The following NCOA2 variants were observed in gnomAD, a reference collection of about 807,000 sequenced individuals.
NCOA2 encodes nuclear receptor coactivator 2.
A neutral mutation model predicts 145.1 loss-of-function variants in NCOA2; 21 were observed. That is an observed-to-expected ratio of 0.14 (90% CI 0.10 to 0.21). NCOA2 has a LOEUF of 0.21. Ranked by LOEUF, NCOA2 falls within the 10% of genes least tolerant of loss-of-function variation. NCOA2 has a pLI of 1.00. For missense variants in NCOA2, 1,472 were observed against 1,837.6 expected, an observed-to-expected ratio of 0.80 and a Z score of 3.64; for synonymous variants, 619 against 637.5, an observed-to-expected ratio of 0.97 and a Z score of 0.44.
At chr8:70,289,455 A>C (rs1391677902) in intron 2 of NCOA2, among the ~76,000 whole-genome samples, 5 of 152,082 alleles carry the variant, frequency 3.3e-5, no homozygotes, top group Non-Finnish European at 7.4e-5. Flanking sequence ...TTCCACTGAA[A>C]CTCTGGCCTA....
intron 21 of NCOA2, among the ~76,000 whole-genome samples, chr8:70,121,804 A>G (rs996802184): frequency 3.3e-5 from 5 of 152,272 alleles, no homozygotes; most frequent in African/African-American, 1.2e-4. Context: ...AATTATCAAG[A>G]GCAAGTGTAA....
chr8:70,166,885 T>G (rs1188446271), intron 6 of NCOA2, 131 bp from the exon 7 acceptor site: 8 of 845,984 alleles, frequency 9.5e-6, no homozygotes, highest in Non-Finnish European at 1.3e-5. Flanking sequence ...CTTGTCTAAA[T>G]ACTTTCATAA....
At chr8:70,384,207 T>A (rs184338783) in intron 1 of NCOA2, among the ~76,000 whole-genome samples, 1 of 151,956 alleles carries the variant, frequency 6.6e-6, no homozygotes, top group African/African-American at 2.4e-5. Flanking sequence ...TTGCTTTCCA[T>A]GGTGATTCAA....
the NCOA2 span, among the ~76,000 whole-genome samples, chr8:70,426,658 T>C: frequency 1.3e-5 from 2 of 152,240 alleles, no homozygotes; most frequent in African/African-American, 2.4e-5. Flanking sequence ...CTATGTCTTA[T>C]GCATCTGTTT....
the NCOA2 span, among the ~76,000 whole-genome samples, chr8:70,418,526 T>A: frequency 1.3e-5 from 2 of 152,258 alleles, no homozygotes; most frequent in Admixed American, 1.3e-4. Context: ...AATATGGACT[T>A]CCAATCAGTG....
At chr8:70,288,315 A>T (rs1306240388) in intron 2 of NCOA2, among the ~76,000 whole-genome samples, 1 of 152,138 alleles carries the variant, frequency 6.6e-6, no homozygotes, top group African/African-American at 2.4e-5. Context: ...TGTGTGGCTC[A>T]TGCCTGTAAT....
At chr8:70,351,619 G>C (rs1193867041) in intron 1 of NCOA2, among the ~76,000 whole-genome samples, 2 of 128,054 alleles carry the variant, frequency 1.6e-5, no homozygotes, top group Non-Finnish European at 3.2e-5. Flanking sequence ...TTAAAGTCTT[G>C]CTCTGTCACC....
At chr8:70,233,180 C>T (rs1202138993) in intron 2 of NCOA2, among the ~76,000 whole-genome samples, 4 of 151,522 alleles carry the variant, frequency 2.6e-5, no homozygotes, top group African/African-American at 4.9e-5. Context: ...GAGCTGAGAT[C>T]GCACCACTAC....
intron 4 of NCOA2, among the ~76,000 whole-genome samples, chr8:70,212,444 G>A (rs999293433): frequency 2.6e-5 from 4 of 152,194 alleles, no homozygotes; most frequent in African/African-American, 7.2e-5. Flanking sequence ...CCCACTGGAT[G>A]TTAAAGGTCA....
intron 2 of NCOA2, among the ~76,000 whole-genome samples, chr8:70,291,451 T>TG (rs1826672573): frequency 6.6e-6 from 1 of 152,214 alleles, no homozygotes; most frequent in African/African-American, 2.4e-5. Flanking sequence ...CACAGTAAAG[T>TG]GGCTCTAAGC....
intron 4 of NCOA2, among the ~76,000 whole-genome samples, chr8:70,195,888 C>T (rs969048321): frequency 3.9e-5 from 6 of 152,298 alleles, no homozygotes; most frequent in East Asian, 1.9e-4. Flanking sequence ...CTCCACACCA[C>T]GCCAAACTAC....
chr8:70,382,608 G>C (rs1812304607), intron 1 of NCOA2, among the ~76,000 whole-genome samples: 1 of 152,196 alleles, frequency 6.6e-6, no homozygotes, highest in Non-Finnish European at 1.5e-5. Context: ...AGGGAAGCTA[G>C]TAGATATCTA....
intron 4 of NCOA2, among the ~76,000 whole-genome samples, chr8:70,177,232 C>A (rs1305181801): frequency 2.0e-5 from 3 of 152,304 alleles, no homozygotes; most frequent in African/African-American, 7.2e-5. Context: ...TGGGAACACA[C>A]AGACAGCTTG....
chr8:70,326,607 C>T (rs1234081134), intron 1 of NCOA2, among the ~76,000 whole-genome samples: 1 of 152,074 alleles, frequency 6.6e-6, no homozygotes, highest in African/African-American at 2.4e-5. Flanking sequence ...TAATTTCTTA[C>T]ATGATATATA....
chr8:70,312,639 A>ATT (rs972637348), intron 1 of NCOA2, among the ~76,000 whole-genome samples: 3 of 152,174 alleles, frequency 2.0e-5, no homozygotes, highest in African/African-American at 7.2e-5. Context: ...AAACAAAATT[A>ATT]TTATAATTTT....
intron 15 of NCOA2, among the ~76,000 whole-genome samples, chr8:70,137,186 T>C (rs892402500): frequency 6.6e-6 from 1 of 152,180 alleles, no homozygotes; most frequent in Non-Finnish European, 1.5e-5. Flanking sequence ...ATTACAGGCA[T>C]GCGCCACCAC....
intron 2 of NCOA2, among the ~76,000 whole-genome samples, chr8:70,230,218 C>T (rs1294112447): frequency 6.6e-6 from 1 of 152,080 alleles, no homozygotes; most frequent in Non-Finnish European, 1.5e-5. Flanking sequence ...TAATAGGATA[C>T]TGCAAAAGGC....
intron 16 of NCOA2, among the ~76,000 whole-genome samples, chr8:70,129,817 T>C (rs1039862917): frequency 6.6e-6 from 1 of 152,142 alleles, no homozygotes; most frequent in African/African-American, 2.4e-5. Context: ...ATCACAGGCA[T>C]GCGCCACCAA....
intron 1 of NCOA2, among the ~76,000 whole-genome samples, chr8:70,337,696 T>C (rs879437591): frequency 6.6e-6 from 1 of 152,110 alleles, no homozygotes; most frequent in African/African-American, 2.4e-5. Context: ...GATCACGTAA[T>C]TGGAATAAAA....
Sources: allele counts gnomAD v4.1 joint callset (sites outside exome capture counted in the v4.1 genomes callset), GRCh38; gene constraint gnomAD v4.1.1; transcripts MANE v1.5; gene names NCBI Gene and HGNC (gene_info 2026-07-23, HGNC 2026-07-21).